NAV2: variants seen among roughly 807,000 people sequenced by gnomAD.
NAV2 encodes the protein helicase, APC down-regulated 1.
Under a neutral mutation model 223.2 loss-of-function variants are expected in NAV2, and 54 were observed. The observed-to-expected ratio is 0.24, with a 90% confidence interval of 0.19 to 0.30. The LOEUF is 0.30. NAV2 is among the 10% of genes least tolerant of loss of function. NAV2 has a pLI of 1.00. For synonymous variants in NAV2, 1,279 were observed against 1,239.3 expected (o/e 1.03, Z -0.67); for missense variants, 2,806 against 3,147.5 (o/e 0.89, Z 2.60).
chr11:19,936,283 A>G (rs2045897007), intron 7 of NAV2, among the ~76,000 whole-genome samples: 1 of 152,160 alleles, frequency 6.6e-6, no homozygotes, highest in Admixed American at 6.5e-5. Context: ...CAGCTTCTCA[A>G]TTTGCATTTT....
At chr11:19,587,056 C>G (rs1158105893) in intron 1 of NAV2, among the ~76,000 whole-genome samples, 1 of 152,224 alleles carries the variant, frequency 6.6e-6, no homozygotes, top group Admixed American at 6.5e-5. Context: ...GCTTTGTTTA[C>G]CTACTCAAGC....
chr11:19,547,703 C>G (rs1019272101), intron 1 of NAV2, among the ~76,000 whole-genome samples: 6 of 152,196 alleles, frequency 3.9e-5, no homozygotes, highest in African/African-American at 1.2e-4. Context: ...AGGACCCCCT[C>G]TCTTCCATTC....
chr11:20,035,297 G>A (rs2056239312), intron 11 of NAV2, among the ~76,000 whole-genome samples: 1 of 152,156 alleles, frequency 6.6e-6, no homozygotes, highest in South Asian at 2.1e-4. Flanking sequence ...GGCAGGTGGG[G>A]AGATGGTACA....
chr11:19,424,915 T>C (rs1376817397), intron 1 of NAV2, among the ~76,000 whole-genome samples: 1 of 152,192 alleles, frequency 6.6e-6, no homozygotes, highest in Admixed American at 6.5e-5. Flanking sequence ...TTAAAGTATT[T>C]AGGTTAAATT....
chr11:19,362,103 C>T (rs945474985), intron 1 of NAV2, among the ~76,000 whole-genome samples: 1 of 152,148 alleles, frequency 6.6e-6, no homozygotes, highest in African/African-American at 2.4e-5. Flanking sequence ...TGCAGGTATA[C>T]ACTGTCACTT....
chr11:19,689,740 G>T (rs890463084), intron 1 of NAV2, among the ~76,000 whole-genome samples: 2 of 152,188 alleles, frequency 1.3e-5, no homozygotes, highest in South Asian at 4.1e-4. Flanking sequence ...CCGTTCACTG[G>T]CATCAGCCTT....
At chr11:19,961,835 G>A (rs546040736) in intron 10 of NAV2, among the ~76,000 whole-genome samples, 103 of 152,100 alleles carry the variant, frequency 6.8e-4, no homozygotes, top group African/African-American at 2.4e-3. Flanking sequence ...GGACATTTAC[G>A]AAGATGATGT....
intron 1 of NAV2, among the ~76,000 whole-genome samples, chr11:19,485,776 G>T (rs2042424867): frequency 6.6e-6 from 1 of 151,946 alleles, no homozygotes; most frequent in African/African-American, 2.4e-5. Flanking sequence ...AGTGTGGGGA[G>T]ACCAGGGGAT....
intron 1 of NAV2, among the ~76,000 whole-genome samples, chr11:19,473,207 A>G (rs2042017268): frequency 6.6e-6 from 1 of 152,144 alleles, no homozygotes; most frequent in Admixed American, 6.5e-5. Context: ...TTTCCTGCCA[A>G]GTTAAGCTTG....
At chr11:19,824,890 TG>T (rs1484097110) in intron 1 of NAV2, among the ~76,000 whole-genome samples, 4 of 152,248 alleles carry the variant, frequency 2.6e-5, no homozygotes, top group Non-Finnish European at 5.9e-5. Flanking sequence ...ACATTCTTTG[TG>T]GTGTTCAAGG....
chr11:19,394,889 C>T (rs1432560183), intron 1 of NAV2, among the ~76,000 whole-genome samples: 1 of 152,152 alleles, frequency 6.6e-6, no homozygotes, highest in African/African-American at 2.4e-5. Context: ...GAAAACCAAC[C>T]AAGGAATGGC....
chr11:20,118,062 AC>A, intron 37 of NAV2, 70 bp from the exon 38 acceptor site: 1 of 1,578,204 alleles, frequency 6.3e-7, no homozygotes, highest in African/African-American at 1.4e-5. Context: ...AGGTGGCATG[AC>A]CTTTTAGGAG....
chr11:19,546,437 G>A (rs957402291), intron 1 of NAV2, among the ~76,000 whole-genome samples: 1 of 152,244 alleles, frequency 6.6e-6, no homozygotes, highest in African/African-American at 2.4e-5. Flanking sequence ...CTGCGGGAAG[G>A]TAGGAAACAG....
At chr11:19,693,704 C>T (rs1232781140) in intron 1 of NAV2, among the ~76,000 whole-genome samples, 1 of 152,144 alleles carries the variant, frequency 6.6e-6, no homozygotes, top group Non-Finnish European at 1.5e-5. Context: ...GGTTAAATAA[C>T]AAGTGTGTCT....
chr11:20,047,691 C>T (rs1021237760), intron 14 of NAV2, among the ~76,000 whole-genome samples: 1 of 152,146 alleles, frequency 6.6e-6, no homozygotes, highest in African/African-American at 2.4e-5. Flanking sequence ...TTTCTGCCAC[C>T]ACCCACTGTA....
At chr11:19,930,324 T>A (rs2095687549) in intron 6 of NAV2, among the ~76,000 whole-genome samples, 1 of 152,138 alleles carries the variant, frequency 6.6e-6, no homozygotes, top group African/African-American at 2.4e-5. Context: ...TTAAAAAAAA[T>A]AGAAATTATA....
intron 1 of NAV2, among the ~76,000 whole-genome samples, chr11:19,757,863 C>G (rs894962639): frequency 6.6e-6 from 1 of 152,130 alleles, no homozygotes; most frequent in African/African-American, 2.4e-5. Context: ...GAAGATCAAA[C>G]AGCTAATTAA....
intron 10 of NAV2, among the ~76,000 whole-genome samples, chr11:19,965,464 A>G (rs1254330154): frequency 6.6e-6 from 1 of 152,056 alleles, no homozygotes; most frequent in Non-Finnish European, 1.5e-5. Context: ...CAGTCACTGA[A>G]TTTGATGGAT....
chr11:19,746,935 A>G (rs1013279784), intron 1 of NAV2, among the ~76,000 whole-genome samples: 8 of 152,048 alleles, frequency 5.3e-5, no homozygotes, highest in African/African-American at 1.9e-4. Flanking sequence ...GTACATGTGC[A>G]CAACGTGCAG....
Sources: gnomAD v4.1 joint callset for allele counts (sites outside exome capture counted in the v4.1 genomes callset) on GRCh38, gnomAD v4.1.1 for gene constraint, MANE v1.5 for transcripts, NCBI Gene and HGNC (gene_info 2026-07-23, HGNC 2026-07-21) for gene names.